CDH7: variants seen among roughly 807,000 people sequenced by gnomAD.
The protein encoded by CDH7 is cadherin-7.
A neutral mutation model predicts 71.8 loss-of-function variants in CDH7; 25 were observed. The observed-to-expected ratio is 0.35, with a 90% CI of 0.25 to 0.49. CDH7 has a LOEUF of 0.49. Among genes scored for constraint, CDH7 ranks in the 20% least tolerant of loss-of-function variants. The pLI is 0.99. For missense variants in CDH7, 862 were observed against 974.6 expected (o/e 0.88, Z 1.54); for synonymous variants, 381 against 363.8 (o/e 1.05, Z -0.54).
At chr18:65,798,488 G>A (rs929054295) in intron 2 of CDH7, among the ~76,000 whole-genome samples, 1 of 152,324 alleles carries the variant, frequency 6.6e-6, no homozygotes, top group African/African-American at 2.4e-5. Flanking sequence ...GTGTGTGCAT[G>A]CTGCAGGTCA....
At chr18:65,796,380 TA>T (rs1185331825) in intron 2 of CDH7, among the ~76,000 whole-genome samples, 43 of 152,154 alleles carry the variant, frequency 2.8e-4, no homozygotes, top group African/African-American at 1.0e-3. Context: ...CAAGGTGGCA[TA>T]AGTACAAAAT....
rs1448507318 is a variant in CDH7, at chr18:65,881,965, A to G, written c.*1071A>G. The G allele has an allele frequency of 3.9e-5, 6 of 152,232 alleles. No individual in the cohort carries two copies. Among genetic ancestry groups the G allele is most frequent in the African/African-American group, 1.4e-4 (6 of 41,472 alleles). 9.4% of individuals were successfully genotyped at this position (152,232 alleles called of 1,614,324 possible). ...GGAATAAAATATTTGTATTTTAGAA[A>G]GACTTCAGAGAGAATTGAGATTTTC... On this transcript the variant is annotated 3_prime_UTR_variant, in exon 12 of 12. Coordinates refer to ENST00000397968, the MANE Select transcript of CDH7 (RefSeq NM_004361.5).
chr18:65,829,880 A>AT (rs1370261747), intron 6 of CDH7, among the ~76,000 whole-genome samples: 6 of 148,036 alleles, frequency 4.1e-5, no homozygotes, highest in Admixed American at 1.4e-4. Context: ...AAATATTCTG[A>AT]TTTTTTTCAT....
At chr18:65,780,834 G>A (rs1202345530) in intron 2 of CDH7, among the ~76,000 whole-genome samples, 2 of 151,942 alleles carry the variant, frequency 1.3e-5, no homozygotes, top group African/African-American at 4.8e-5. Context: ...AACAAGGGTA[G>A]GGTTGGCAGT....
intron 6 of CDH7, among the ~76,000 whole-genome samples, chr18:65,837,964 G>A (rs892979924): frequency 3.0e-5 from 4 of 135,116 alleles, no homozygotes; most frequent in East Asian, 4.2e-4. Flanking sequence ...TTGCTCTGTC[G>A]CCCGGGCTGG....
At chr18:65,819,110 T>G (rs1189168781) in intron 4 of CDH7, among the ~76,000 whole-genome samples, 2 of 152,132 alleles carry the variant, frequency 1.3e-5, no homozygotes, top group East Asian at 3.9e-4. Flanking sequence ...CATAAGACAC[T>G]CCCACCAGTG....
chr18:65,820,598 T>C (rs1911887875), intron 4 of CDH7, among the ~76,000 whole-genome samples: 1 of 152,198 alleles, frequency 6.6e-6, no homozygotes, highest in South Asian at 2.1e-4. Context: ...TATATTATTC[T>C]TGTCAAAAAT....
intron 2 of CDH7, among the ~76,000 whole-genome samples, chr18:65,775,203 C>A (rs898091793): frequency 6.6e-6 from 1 of 152,080 alleles, no homozygotes. Flanking sequence ...ATGATTATGC[C>A]AGTGCATAGA....
chr18:65,775,036 A>G (rs1277942621), intron 2 of CDH7, among the ~76,000 whole-genome samples: 2 of 152,148 alleles, frequency 1.3e-5, no homozygotes, highest in African/African-American at 4.8e-5. Context: ...TGAGTGTTGA[A>G]CCCAGAAAGT....
intron 10 of CDH7, 46 bp downstream of exon 10, chr18:65,859,871 C>T (rs994034187): frequency 9.0e-7 from 1 of 1,109,784 alleles, no homozygotes; most frequent in African/African-American, 1.5e-5. Context: ...GGTACAGATA[C>T]TCTAAGCAAG....
intron 6 of CDH7, among the ~76,000 whole-genome samples, chr18:65,838,370 T>C (rs1316116357): frequency 1.3e-5 from 2 of 152,210 alleles, no homozygotes; most frequent in Non-Finnish European, 2.9e-5. Context: ...AGCTACAAAA[T>C]ATACTTTCAT....
At chr18:65,763,594 G>GGGGTGT (rs1491164841) in intron 2 of CDH7, among the ~76,000 whole-genome samples, 5 of 99,130 alleles carry the variant, frequency 5.0e-5, no homozygotes, top group South Asian at 7.3e-4. Flanking sequence ...TTGATAGGGG[G>GGGGTGT]GTGTGTGTGT....
intron 2 of CDH7, among the ~76,000 whole-genome samples, chr18:65,774,539 A>C (rs2143813833): frequency 6.6e-6 from 1 of 152,162 alleles, no homozygotes; most frequent in Non-Finnish European, 1.5e-5. Context: ...TTGCAGTGGT[A>C]ATACATTGCA....
intron 1 of CDH7, among the ~76,000 whole-genome samples, chr18:65,758,499 A>G (rs1916098524): frequency 1.3e-5 from 2 of 152,210 alleles, no homozygotes; most frequent in South Asian, 2.1e-4. Context: ...TTCAGATCAC[A>G]ATGGTTCACA....
chr18:65,850,675 C>T (rs1913118289), intron 7 of CDH7, among the ~76,000 whole-genome samples: 1 of 151,432 alleles, frequency 6.6e-6, no homozygotes, highest in African/African-American at 2.4e-5. Context: ...ATCTTGAGTG[C>T]CATCAAGATT....
chr18:65,814,733 T>C, intron 4 of CDH7, 129 bp downstream of exon 4: 1 of 710,498 alleles, frequency 1.4e-6, no homozygotes. Context: ...ATGTCTACTT[T>C]GGTAAGCATG....
At chr18:65,820,326 G>A (rs1429143255) in intron 4 of CDH7, among the ~76,000 whole-genome samples, 1 of 151,274 alleles carries the variant, frequency 6.6e-6, no homozygotes, top group Non-Finnish European at 1.5e-5. Flanking sequence ...TTATTATTAA[G>A]CATGAAAGTC....
intron 2 of CDH7, among the ~76,000 whole-genome samples, chr18:65,781,740 C>T (rs544194051): frequency 2.0e-4 from 30 of 149,170 alleles, no homozygotes; most frequent in Admixed American, 8.0e-4. Context: ...TCTAGCTACC[C>T]TATTGGTTGA....
chr18:65,750,614 C>A (rs935671631), upstream of CDH7: 2 of 152,298 alleles, frequency 1.3e-5, no homozygotes, highest in Non-Finnish European at 2.9e-5. Flanking sequence ...CCGAGCGGCT[C>A]CGTCTTCGCG....
Sources: gnomAD v4.1 joint callset for allele counts (sites outside exome capture counted in the v4.1 genomes callset) on GRCh38, gnomAD v4.1.1 for gene constraint, MANE v1.5 for transcripts, NCBI Gene and HGNC (gene_info 2026-07-23, HGNC 2026-07-21) for gene names.